The following BRF1 variants were observed in gnomAD, a reference collection of about 807,000 sequenced individuals.
BRF1 encodes transcription factor IIIB 90 kDa subunit.
Under a neutral mutation model 81.7 loss-of-function variants are expected in BRF1, and 59 were observed. That is an observed-to-expected ratio of 0.72 (90% CI 0.59 to 0.90). BRF1 has a LOEUF of 0.90. Ranked by LOEUF, BRF1 falls within the 40% of genes least tolerant of loss-of-function variation. The pLI, the probability that BRF1 is intolerant of heterozygous loss-of-function variation, is 0.00. For synonymous variants in BRF1, 491 were observed against 395.6 expected, an observed-to-expected ratio of 1.24 and a Z score of -2.86; for missense variants, 1,050 against 936.3, an observed-to-expected ratio of 1.12 and a Z score of -1.58.
In BRF1 at chr14:105,258,452, G is replaced by A. The variant is rs1274370486; in HGVS notation, c.440-1903C>T. Among the ~76,000 whole-genome samples the A allele has an allele frequency of 2.0e-5, 3 of 149,430 alleles. No individual in the cohort carries two copies. The East Asian group carries it at 5.9e-4, about 29-fold the overall frequency. ...TGCAGTGAGCCGAGATGGCGCCACCGCACTCCAGCCTGGGCGACAGAGCGA... is the reference window on the plus strand; with the variant it reads ...TGCAGTGAGCCGAGATGGCGCCACCACACTCCAGCCTGGGCGACAGAGCGA... On this transcript the variant is annotated intron_variant, in intron 3 of 17. Transcript: ENST00000547530.
chr14:105,244,237 G>A (rs1202520556), intron 5 of BRF1, among the ~76,000 whole-genome samples: 1 of 152,096 alleles, frequency 6.6e-6, no homozygotes, highest in Non-Finnish European at 1.5e-5. Context: ...GAGCCCAGGA[G>A]TTTGAAACCA....
At chr14:105,218,857 G>T (rs979114265) in intron 14 of BRF1, 141 bp downstream of exon 14, 1 of 1,207,484 alleles carries the variant, frequency 8.3e-7, no homozygotes, top group Non-Finnish European at 1.2e-6. Context: ...GTGGGTCTGG[G>T]GTCCAGAGCA....
intron 3 of BRF1, among the ~76,000 whole-genome samples, chr14:105,267,308 CTT>C (rs769487018): frequency 4.1e-5 from 6 of 145,438 alleles, no homozygotes; most frequent in East Asian, 2.0e-4. Context: ...GAAATGGCAA[CTT>C]TTTTTTTTTT....
At chr14:105,259,436 TC>T (rs2056045398) in intron 3 of BRF1, among the ~76,000 whole-genome samples, 1 of 152,122 alleles carries the variant, frequency 6.6e-6, no homozygotes, top group African/African-American at 2.4e-5. Context: ...AGAGTGAGAC[TC>T]TGTCTCTAAA....
In BRF1 at chr14:105,209,427, G is replaced by T. The variant is rs1008987568; in HGVS notation, c.*1124C>A. ...GTCTGGCCTGCTGCGGGCCAAGTTG[G>T]GGCAGGACATACAGCCCATTCCATG... is the stretch of plus-strand genomic sequence containing the variant. On this transcript the variant is annotated 3_prime_UTR_variant, in exon 18 of 18. Transcript: ENST00000547530. 2.9e-6 allele frequency: 2 copies of T among 686,240 alleles called. No individual in the cohort carries two copies. Among genetic ancestry groups the T allele is most frequent in the Non-Finnish European group, 2.7e-6 (1 of 376,488 alleles). 42.5% of individuals were successfully genotyped at this position (686,240 alleles called of 1,614,324 possible).
At chr14:105,249,623 G>A (rs374461300) in intron 5 of BRF1, 11 of 1,597,304 alleles carry the variant, frequency 6.9e-6, no homozygotes, top group South Asian at 2.2e-5. Context: ...CCCTGACGCG[G>A]GCCCTGCCTC....
intron 3 of BRF1, among the ~76,000 whole-genome samples, chr14:105,267,407 G>A (rs1022032076): frequency 3.3e-5 from 5 of 151,660 alleles, no homozygotes; most frequent in African/African-American, 1.2e-4. Flanking sequence ...GGGTTCAAGC[G>A]ATCCTCCCAC....
chr14:105,248,598 C>T (rs1050540143), intron 5 of BRF1: 2 of 966,024 alleles, frequency 2.1e-6, no homozygotes, highest in African/African-American at 1.8e-5. Context: ...GGACGGCGCC[C>T]CCCGCGGCCG....
chr14:105,254,645 T>G (rs1347090273), intron 4 of BRF1, among the ~76,000 whole-genome samples: 1 of 152,120 alleles, frequency 6.6e-6, no homozygotes, highest in Non-Finnish European at 1.5e-5. Context: ...CACTGCAACC[T>G]CCACCTCAAG....
At chr14:105,229,262 C>T (rs996696412) in intron 6 of BRF1, among the ~76,000 whole-genome samples, 1 of 152,198 alleles carries the variant, frequency 6.6e-6, no homozygotes, top group African/African-American at 2.4e-5. Flanking sequence ...GGATGCGGAG[C>T]CAGGCTGGGC....
At chr14:105,286,916 G>A (rs1312074904) in intron 1 of BRF1, among the ~76,000 whole-genome samples, 2 of 152,188 alleles carry the variant, frequency 1.3e-5, no homozygotes, top group Non-Finnish European at 1.5e-5. Flanking sequence ...TGGGCTGGCC[G>A]TCCCCCTTGC....
chr14:105,261,683 G>A (rs918627710), intron 3 of BRF1, among the ~76,000 whole-genome samples: 18 of 152,352 alleles, frequency 1.2e-4, no homozygotes, highest in African/African-American at 3.8e-4. Flanking sequence ...AGAGAGAAGC[G>A]AGGGAAAGTG....
Position 105,241,412 on chromosome 14 carries a change from G to C in BRF1, c.547C>G (p.Pro183Ala), listed in dbSNP as rs1056689926. ...ELCINAPAID[P>A]CLYIPRFAHL... ...GCAAAGCGTGGAATATACAGGCACG[G>C]GTCTGCGGCAGACACAGCACCTCAG... is the stretch of plus-strand genomic sequence containing the variant. The change falls in exon 6 of 18, where the codon CCG becomes GCG. Residue 183 changes from proline (P) to alanine (A), a missense_variant and splice_region_variant. Physicochemically the swap from Pro to Ala is conservative, Grantham distance 27. Around this residue, in one of 2 missense-constraint regions of BRF1, gnomAD observed 1,043 missense variants for 915.4 expected, o/e 1.14. Coordinates refer to ENST00000547530, the MANE Select transcript of BRF1 (RefSeq NM_001519.4). The C allele has an allele frequency of 1.9e-6, 3 of 1,611,508 alleles. No homozygotes were observed. The highest frequency in any genetic ancestry group is 1.7e-6 in the Non-Finnish European group (2 of 1,179,880).
chr14:105,297,840 C>T (rs1445466624), intron 1 of BRF1, among the ~76,000 whole-genome samples: 6 of 151,238 alleles, frequency 4.0e-5, no homozygotes, highest in Non-Finnish European at 5.9e-5. Flanking sequence ...ACTAAAAATA[C>T]AAAAAATTAG....
intron 2 of BRF1, among the ~76,000 whole-genome samples, chr14:105,278,378 G>C (rs1188808883): frequency 6.7e-6 from 1 of 149,882 alleles, no homozygotes; most frequent in Non-Finnish European, 1.5e-5. Context: ...GCTGCAGTGA[G>C]CCATGATCCT....
rs985099895 is a variant in BRF1, at chr14:105,248,351, G to C, written c.544+4156C>G. 3 of 985,368 alleles carry C rather than the reference G, an allele frequency of 3.0e-6. No homozygotes were observed. The African/African-American group carries it at 5.2e-5, about 17-fold the overall frequency. 61.0% of individuals were successfully genotyped at this position (985,368 alleles called of 1,614,324 possible). A position where few individuals can be genotyped will look rare whatever the true frequency, so the allele number is the denominator to read the frequency against. ...AACTGAAGAACGGGCGCAAGCACCT[G>C]CGCATGGCACTGCGGGTCTGGGGGC... is the stretch of plus-strand genomic sequence containing the variant. On this transcript the variant is annotated intron_variant, in intron 5 of 17. Coordinates refer to ENST00000547530, the MANE Select transcript of BRF1 (RefSeq NM_001519.4).
intron 5 of BRF1, chr14:105,248,001 C>A (rs2055240687): frequency 2.0e-6 from 2 of 985,468 alleles, no homozygotes; most frequent in Non-Finnish European, 1.2e-6. Flanking sequence ...GGCCCAAGCT[C>A]CAGGGCTGCA....
upstream of BRF1, among the ~76,000 whole-genome samples, chr14:105,303,921 C>A (rs2058102390): frequency 6.6e-6 from 1 of 152,200 alleles, no homozygotes. Flanking sequence ...GGTGACAGCC[C>A]CAAATCTCAT....
intron 3 of BRF1, among the ~76,000 whole-genome samples, chr14:105,262,790 C>T (rs1169564349): frequency 3.9e-5 from 6 of 152,172 alleles, no homozygotes; most frequent in East Asian, 1.9e-4. Context: ...AGCTGAGTGG[C>T]ACGAGTGTAA....
Sources: allele counts gnomAD v4.1 joint callset (sites outside exome capture counted in the v4.1 genomes callset), GRCh38; gene constraint gnomAD v4.1.1; regional missense constraint gnomAD v4.1.1; transcripts MANE v1.5; gene names NCBI Gene and HGNC (gene_info 2026-07-23, HGNC 2026-07-21).